The following ABL2 variants were observed in gnomAD, a reference collection of about 807,000 sequenced individuals.
ABL2 encodes tyrosine-protein kinase ABL2.
A neutral mutation model predicts 107.7 loss-of-function variants in ABL2; 49 were observed. The ratio of observed to expected loss-of-function variants is 0.45; its 90% confidence interval spans 0.36 to 0.58. The LOEUF (loss-of-function observed/expected upper bound fraction) is 0.58, where lower values mean the gene tolerates loss of function less well. Ranked by LOEUF, ABL2 falls within the 20% of genes least tolerant of loss-of-function variation. ABL2 has a pLI of 0.00. For synonymous variants in ABL2, 549 were observed against 548.6 expected (o/e 1.00, Z -0.01); for missense variants, 1,245 against 1,457.0 (o/e 0.85, Z 2.37).
chr1:179,117,318 CCT>C lies in ABL2; in HGVS notation c.1408+12_1408+13del. On this transcript the variant is annotated intron_variant, in intron 8 of 11. Coordinates refer to ENST00000502732, the MANE Select transcript of ABL2 (RefSeq NM_007314.4). Reference sequence around the variant, plus strand: ...AAATAAAATGACACAGAAAAAAGTCCCTTTCAACCTTACCCCAGACGTCAGAT... The same window carrying C: ...AAATAAAATGACACAGAAAAAAGTCCTTCAACCTTACCCCAGACGTCAGAT... 1 of 1,612,704 alleles carries C rather than the reference CCT, an allele frequency of 6.2e-7. No homozygotes were observed.
chr1:179,144,903 T>C (rs1657883152), intron 1 of ABL2, among the ~76,000 whole-genome samples: 1 of 152,224 alleles, frequency 6.6e-6, no homozygotes, highest in Admixed American at 6.5e-5. Context: ...TCTATCCATA[T>C]GTAGACTCTA....
rs1653403752 is a variant in ABL2, at chr1:179,105,417, G to GT, written c.*2300dup. Reference sequence around the variant, plus strand: ...AAAAGCAGCATAATAATATTCTACAGTTTTAGCTTTCCCATCCTCGACCTT... The same window carrying GT: ...AAAAGCAGCATAATAATATTCTACAGTTTTTAGCTTTCCCATCCTCGACCTT... On this transcript the variant is annotated 3_prime_UTR_variant, in exon 12 of 12. Transcript: ENST00000502732. 1 of 231,144 alleles carries GT rather than the reference G, an allele frequency of 4.3e-6. No homozygotes were observed. Among genetic ancestry groups the GT allele is most frequent in the Admixed American group, 5.6e-5 (1 of 17,716 alleles). The allele number at this position is 231,144 out of a possible 1,614,324, so 14.3% of individuals were successfully genotyped here. A position where few individuals can be genotyped will look rare whatever the true frequency, so the allele number is the denominator to read the frequency against.
chr1:179,110,759 T>C (rs773224942), intron 10 of ABL2: 2 of 1,613,906 alleles, frequency 1.2e-6, no homozygotes, highest in Non-Finnish European at 1.7e-6. Flanking sequence ...AGTTTGGAGT[T>C]ACTATGAATA....
At chr1:179,134,431 T>C (rs1272941365) in intron 1 of ABL2, among the ~76,000 whole-genome samples, 1 of 151,662 alleles carries the variant, frequency 6.6e-6, no homozygotes, top group African/African-American at 2.4e-5. Context: ...CCATGGAGGC[T>C]GCGTGGAGGC....
chr1:179,211,480 G>A (rs973014361), intron 1 of ABL2, among the ~76,000 whole-genome samples: 4 of 151,802 alleles, frequency 2.6e-5, no homozygotes, highest in African/African-American at 4.8e-5. Flanking sequence ...CTGTACCACC[G>A]CACTTCAGCC....
intron 1 of ABL2, among the ~76,000 whole-genome samples, chr1:179,181,314 T>G (rs1426830646): frequency 1.3e-5 from 2 of 152,200 alleles, no homozygotes; most frequent in African/African-American, 4.8e-5. Context: ...GTAATGTATA[T>G]TTGTCAAAAG....
chr1:179,178,390 A>C (rs1186587404), intron 1 of ABL2, among the ~76,000 whole-genome samples: 2 of 148,944 alleles, frequency 1.3e-5, no homozygotes, highest in Admixed American at 6.7e-5. Context: ...TGACAGAGCA[A>C]GACTCTGCCT....
Position 179,120,203 on chromosome 1 carries a change from C to G in ABL2, c.1032G>C (p.Leu344=). Reference sequence around the variant, plus strand: ...AAGGTTCCTCACCTAAAAGTTGTACCAGATTAGGATGCTTGATTTCCTTCA... The same window carrying G: ...AAGGTTCCTCACCTAAAAGTTGTACGAGATTAGGATGCTTGATTTCCTTCA... ...AVMKEIKHPN[L]VQLLGVCTLE... is the part of the protein sequence containing the mutation. The change falls in exon 6 of 12, where the codon CTG becomes CTC. Residue 344 remains leucine, a synonymous_variant. Transcript: ENST00000502732. 1 of 1,600,362 alleles carries G rather than the reference C, an allele frequency of 6.2e-7. No homozygotes were observed. The highest frequency in any genetic ancestry group is 8.5e-7 in the Non-Finnish European group (1 of 1,172,748).
Position 179,118,778 on chromosome 1 carries a change from A to T in ABL2, c.1046-14T>A. The T allele has an allele frequency of 6.2e-7, 1 of 1,611,946 alleles. No homozygotes were observed. The highest frequency in any genetic ancestry group is 8.5e-7 in the Non-Finnish European group (1 of 1,178,696). ...AAGTACACACACCTAAAAGTTGAAC[A>T]ATAGTGCTTGTTTTTATTAGTGTAC... On this transcript the variant is annotated splice_polypyrimidine_tract_variant and intron_variant, in intron 6 of 11. Coordinates refer to ENST00000502732, the MANE Select transcript of ABL2 (RefSeq NM_007314.4).
At chr1:179,163,938 A>C (rs1399276396) in intron 1 of ABL2, among the ~76,000 whole-genome samples, 1 of 152,186 alleles carries the variant, frequency 6.6e-6, no homozygotes, top group Non-Finnish European at 1.5e-5. Flanking sequence ...TCTCCCACAG[A>C]AGCCAATCTC....
At chr1:179,135,578 C>T (rs922508318) in intron 1 of ABL2, among the ~76,000 whole-genome samples, 3 of 151,914 alleles carry the variant, frequency 2.0e-5, no homozygotes, top group African/African-American at 7.2e-5. Context: ...CTCCTGGCAG[C>T]CACCTCGTCC....
chr1:179,124,081 A>T (rs74713545), intron 4 of ABL2, among the ~76,000 whole-genome samples: 9,852 of 151,952 alleles, frequency 0.065, 440 homozygotes, highest in Non-Finnish European at 0.089. Flanking sequence ...CTCTACTAAA[A>T]ATACAAAAAA....
At chr1:179,190,790 T>C (rs531128103) in intron 1 of ABL2, among the ~76,000 whole-genome samples, 7 of 151,672 alleles carry the variant, frequency 4.6e-5, no homozygotes, top group Non-Finnish European at 2.9e-5. Flanking sequence ...TTTTAGGAGG[T>C]TTTTTTTGGC....
intron 1 of ABL2, among the ~76,000 whole-genome samples, chr1:179,140,402 A>G (rs1033988140): frequency 2.0e-5 from 3 of 152,130 alleles, no homozygotes; most frequent in African/African-American, 7.2e-5. Context: ...ACACTCTCAC[A>G]TCCCCCACTG....
rs35937994 is a variant in ABL2, at chr1:179,155,798, C to T, written c.158-22424G>A. ...CTTAGAATCCATCCAAAAAAAATAA[C>T]TTTTTCTCTAGTATGACTGGACAAT... On this transcript the variant is annotated intron_variant, in intron 1 of 11. Coordinates refer to ENST00000502732, the MANE Select transcript of ABL2 (RefSeq NM_007314.4). 7.3e-3 allele frequency among the ~76,000 whole-genome samples: 1,109 copies of T among 150,986 alleles called. 9 individuals carry two copies. The highest frequency in any genetic ancestry group is 0.01 in the Middle Eastern group (3 of 294).
rs1239282878 is a variant in ABL2 at position 179,159,950 on chromosome 1, T to C, written c.158-26576A>G. On this transcript the variant is annotated intron_variant, in intron 1 of 11. Coordinates refer to ENST00000502732, the MANE Select transcript of ABL2 (RefSeq NM_007314.4). ...CCAACGTGGTGAAACCCTGTCTCTA[T>C]TAAAAATGCAAAAATTAGCTGGGTA... 2.0e-5 allele frequency among the ~76,000 whole-genome samples: 3 copies of C among 151,664 alleles called. No individual in the cohort carries two copies. The East Asian group carries it at 5.8e-4, about 30-fold the overall frequency.
intron 2 of ABL2, among the ~76,000 whole-genome samples, chr1:179,132,150 C>T (rs951862109): frequency 6.6e-6 from 1 of 152,094 alleles, no homozygotes; most frequent in Non-Finnish European, 1.5e-5. Flanking sequence ...GACTTTTAAA[C>T]TCTATTTTGT....
intron 1 of ABL2, among the ~76,000 whole-genome samples, chr1:179,186,925 C>A (rs531916131): frequency 6.6e-6 from 1 of 151,868 alleles, no homozygotes; most frequent in Non-Finnish European, 1.5e-5. Context: ...TTAGTAGACA[C>A]GGGGTTATGT....
chr1:179,212,446 A>G (rs1180131796), intron 1 of ABL2, among the ~76,000 whole-genome samples: 1 of 152,238 alleles, frequency 6.6e-6, no homozygotes, highest in African/African-American at 2.4e-5. Context: ...ATATAATGCA[A>G]GCTGGGCAGG....
Sources: allele counts gnomAD v4.1 joint callset (sites outside exome capture counted in the v4.1 genomes callset), GRCh38; gene constraint gnomAD v4.1.1; transcripts MANE v1.5; gene names NCBI Gene and HGNC (gene_info 2026-07-23, HGNC 2026-07-21).